ANO4: variants seen among roughly 807,000 people sequenced by gnomAD.
The protein encoded by ANO4 is anoctamin 4, also known as anoctamin-4.
Under a neutral mutation model 141.9 loss-of-function variants are expected in ANO4, and 69 were observed. The observed-to-expected ratio is 0.49, with a 90% CI of 0.40 to 0.59. ANO4 has a LOEUF of 0.59. Among genes scored for constraint, ANO4 ranks in the 20% least tolerant of loss-of-function variants. The pLI is 0.00. For missense variants in ANO4, 894 were observed against 1,162.2 expected (o/e 0.77, Z 3.36); for synonymous variants, 350 against 394.3 (o/e 0.89, Z 1.33).
At chr12:101,050,119 T>C (rs1195575925) in intron 14 of ANO4, among the ~76,000 whole-genome samples, 1 of 152,002 alleles carries the variant, frequency 6.6e-6, no homozygotes, top group Non-Finnish European at 1.5e-5. Flanking sequence ...AATCAGAACC[T>C]AGAAATAGAT....
At chr12:100,917,530 A>G (rs1331462277) in intron 2 of ANO4, among the ~76,000 whole-genome samples, 1 of 152,230 alleles carries the variant, frequency 6.6e-6, no homozygotes, top group East Asian at 1.9e-4. Flanking sequence ...CATTTTTTAC[A>G]TTGAAGTCAT....
intron 8 of ANO4, among the ~76,000 whole-genome samples, chr12:100,991,984 G>A (rs2045139259): frequency 6.6e-6 from 1 of 152,136 alleles, no homozygotes; most frequent in South Asian, 2.1e-4. Flanking sequence ...GCTGAAACTG[G>A]AGTCTGGAAG....
At chr12:100,994,493 T>G (rs7309357) in intron 8 of ANO4, among the ~76,000 whole-genome samples, 30,483 of 152,116 alleles carry the variant, frequency 0.2, 3,380 homozygotes, top group Non-Finnish European at 0.25. Context: ...CTTTTTATAA[T>G]AGATATACAG....
chr12:100,991,026 G>A, intron 8 of ANO4, among the ~76,000 whole-genome samples: 1 of 152,036 alleles, frequency 6.6e-6, no homozygotes, highest in Non-Finnish European at 1.5e-5. Context: ...AAAAAGCAGA[G>A]GACAGCTGGA....
At chr12:100,925,674 A>G (rs1371008126) in intron 3 of ANO4, among the ~76,000 whole-genome samples, 1 of 151,622 alleles carries the variant, frequency 6.6e-6, no homozygotes, top group Non-Finnish European at 1.5e-5. Context: ...AATTCTGAAC[A>G]TCAGTATAAT....
At chr12:101,120,450 T>A (rs758617248) in intron 25 of ANO4, 70 bp from the exon 26 acceptor site, 35 of 1,337,404 alleles carry the variant, frequency 2.6e-5, no homozygotes, top group Non-Finnish European at 3.7e-5. Context: ...GACTATATAA[T>A]GAGAATGGAA....
At chr12:101,024,889 A>G (rs2046670841) in intron 9 of ANO4, among the ~76,000 whole-genome samples, 1 of 152,218 alleles carries the variant, frequency 6.6e-6, no homozygotes, top group Non-Finnish European at 1.5e-5. Context: ...TATGATTAAA[A>G]GCATCTAAAT....
At chr12:101,021,492 C>T (rs2046526543) in intron 9 of ANO4, among the ~76,000 whole-genome samples, 1 of 152,136 alleles carries the variant, frequency 6.6e-6, no homozygotes, top group Admixed American at 6.5e-5. Context: ...ACAATAGTTA[C>T]ATTATTGCAA....
intron 5 of ANO4, among the ~76,000 whole-genome samples, chr12:100,948,098 C>T (rs1268181079): frequency 7.3e-6 from 1 of 137,172 alleles, no homozygotes; most frequent in African/African-American, 2.8e-5. Context: ...GGAGGCTGAG[C>T]TGAGATCATG....
chr12:100,835,552 T>C (rs535624817), intron 1 of ANO4, among the ~76,000 whole-genome samples: 1 of 152,294 alleles, frequency 6.6e-6, no homozygotes, highest in East Asian at 1.9e-4. Flanking sequence ...GAGGTAAGCA[T>C]AATGTCTATA....
At chr12:100,762,365 C>T (rs1280925475) in intron 3 of ANO4, among the ~76,000 whole-genome samples, 1 of 152,124 alleles carries the variant, frequency 6.6e-6, no homozygotes, top group African/African-American at 2.4e-5. Flanking sequence ...CAGAACTAGC[C>T]ACCTCAGGCA....
At chr12:100,812,979 T>A (rs1250319771) in intron 1 of ANO4, among the ~76,000 whole-genome samples, 1 of 152,228 alleles carries the variant, frequency 6.6e-6, no homozygotes, top group African/African-American at 2.4e-5. Context: ...CAATCTTTCC[T>A]GTGTATTGTT....
chr12:100,869,325 C>A (rs897258724), intron 1 of ANO4, among the ~76,000 whole-genome samples: 2 of 152,156 alleles, frequency 1.3e-5, no homozygotes, highest in African/African-American at 4.8e-5. Context: ...TCCCTCTGAG[C>A]TGTGCTTGGA....
chr12:100,867,716 TCTGA>T (rs1014536922), intron 1 of ANO4, among the ~76,000 whole-genome samples: 2 of 152,154 alleles, frequency 1.3e-5, no homozygotes, highest in Non-Finnish European at 2.9e-5. Flanking sequence ...CACACATCTG[TCTGA>T]CTGTTGCTGA....
chr12:100,826,760 C>T (rs1017078637), intron 1 of ANO4, among the ~76,000 whole-genome samples: 1 of 152,130 alleles, frequency 6.6e-6, no homozygotes, highest in East Asian at 1.9e-4. Context: ...TTTTATTTTT[C>T]TCCAAACCAG....
chr12:101,050,328 G>A (rs1347856643), intron 14 of ANO4, among the ~76,000 whole-genome samples: 2 of 152,166 alleles, frequency 1.3e-5, no homozygotes, highest in African/African-American at 2.4e-5. Flanking sequence ...AACAGGCCAT[G>A]TATTTTTTCC....
At chr12:100,772,877 C>T (rs993746509) in intron 3 of ANO4, among the ~76,000 whole-genome samples, 7 of 152,164 alleles carry the variant, frequency 4.6e-5, no homozygotes, top group African/African-American at 1.7e-4. Flanking sequence ...CTTGTATATG[C>T]ACTATCCAGT....
At chr12:100,994,608 A>C (rs1375173935) in intron 8 of ANO4, among the ~76,000 whole-genome samples, 2 of 152,192 alleles carry the variant, frequency 1.3e-5, no homozygotes, top group African/African-American at 4.8e-5. Flanking sequence ...TTTTATTATT[A>C]CCATTATTTT....
At chr12:100,850,493 T>C (rs1427373385) in intron 1 of ANO4, among the ~76,000 whole-genome samples, 1 of 144,354 alleles carries the variant, frequency 6.9e-6, no homozygotes, top group East Asian at 1.9e-4. Flanking sequence ...GGATCTAAAT[T>C]TTTTTCTTAG....
Sources: gnomAD v4.1 joint callset for allele counts (sites outside exome capture counted in the v4.1 genomes callset) on GRCh38, gnomAD v4.1.1 for gene constraint, MANE v1.5 for transcripts, NCBI Gene and HGNC (gene_info 2026-07-23, HGNC 2026-07-21) for gene names.